The following MRPS28 variants were observed in gnomAD, a reference collection of about 807,000 sequenced individuals.
The protein encoded by MRPS28 is small ribosomal subunit protein bS1m.
Under a neutral mutation model 10.8 loss-of-function variants are expected in MRPS28, and 7 were observed. The ratio of observed to expected loss-of-function variants is 0.65; its 90% CI spans 0.37 to 1.22. MRPS28 has a LOEUF of 1.22. MRPS28 is among the 50% of genes most tolerant of loss of function. MRPS28 has a pLI of 0.02. For synonymous variants in MRPS28, 121 were observed against 93.3 expected, an observed-to-expected ratio of 1.30 and a Z score of -1.71; for missense variants, 265 against 232.9, an observed-to-expected ratio of 1.14 and a Z score of -0.90.
At position 80,030,070 on chromosome 8, in the gene MRPS28, G is replaced by A. The variant is rs1333525500; in HGVS notation, c.179C>T (p.Ser60Leu). 3 of 1,609,284 alleles carry A rather than the reference G, an allele frequency of 1.9e-6. No individual in the cohort carries two copies. Among genetic ancestry groups the A allele is most frequent in the South Asian group, 2.2e-5 (2 of 90,970 alleles). ...GGGCTCCACCTTCTGTAGAAGCTCC[G>A]AGTGCCGCTCCAACGCGCTCGCGAA... ...GGFASALERH[S>L]ELLQKVEPLQ... The change falls in exon 1 of 3, where the codon TCG becomes TTG. Residue 60 changes from serine (S) to leucine (L), a missense_variant. Coordinates refer to ENST00000276585, the MANE Select transcript of MRPS28 (RefSeq NM_014018.3).
At chr8:80,023,458 T>C (rs73691132) in intron 1 of MRPS28, among the ~76,000 whole-genome samples, 2,158 of 152,234 alleles carry the variant, frequency 0.014, 52 homozygotes, top group African/African-American at 0.049. Flanking sequence ...TCTGAAAGGA[T>C]TGAACATCTG....
At chr8:79,939,500 A>G (rs1806701477) in intron 2 of MRPS28, among the ~76,000 whole-genome samples, 1 of 152,182 alleles carries the variant, frequency 6.6e-6, no homozygotes, top group Non-Finnish European at 1.5e-5. Context: ...ATTAAGAAAA[A>G]TCTACTATTA....
At chr8:79,936,259 C>T (rs979917229) in intron 2 of MRPS28, among the ~76,000 whole-genome samples, 54 of 151,730 alleles carry the variant, frequency 3.6e-4, no homozygotes, top group Admixed American at 2.8e-3. Flanking sequence ...CCCAGGAGTT[C>T]GAGTTCATAC....
At chr8:80,027,998 C>T (rs1809533703) in intron 1 of MRPS28, among the ~76,000 whole-genome samples, 1 of 152,120 alleles carries the variant, frequency 6.6e-6, no homozygotes, top group Non-Finnish European at 1.5e-5. Flanking sequence ...CCTGGAAAAA[C>T]TGAACAGCCC....
intron 2 of MRPS28, among the ~76,000 whole-genome samples, chr8:79,983,161 C>A (rs559574700): frequency 6.6e-6 from 1 of 152,148 alleles, no homozygotes; most frequent in African/African-American, 2.4e-5. Context: ...CCCAGGCAAA[C>A]AGGGTCTGGA....
intron 2 of MRPS28, among the ~76,000 whole-genome samples, chr8:79,941,515 CAAAGT>C (rs1194914876): frequency 6.6e-5 from 10 of 152,236 alleles, no homozygotes; most frequent in South Asian, 2.1e-4. Context: ...CAGAACAAAA[CAAAGT>C]ATAGTATAAA....
At chr8:80,000,995 A>T (rs1387844337) in intron 2 of MRPS28, among the ~76,000 whole-genome samples, 2 of 152,276 alleles carry the variant, frequency 1.3e-5, no homozygotes, top group Admixed American at 6.5e-5. Context: ...TGAAAGAGAT[A>T]TGATTAACGG....
chr8:80,025,953 G>A (rs946436810), intron 1 of MRPS28, among the ~76,000 whole-genome samples: 1 of 152,006 alleles, frequency 6.6e-6, no homozygotes, highest in Non-Finnish European at 1.5e-5. Flanking sequence ...TTATACTTAC[G>A]TGTGTAATAT....
chr8:79,963,917 T>G (rs184790763), intron 2 of MRPS28, among the ~76,000 whole-genome samples: 7 of 152,202 alleles, frequency 4.6e-5, no homozygotes, highest in Admixed American at 1.3e-4. Flanking sequence ...CCTACCAAGC[T>G]TACAGGAGTG....
intron 2 of MRPS28, among the ~76,000 whole-genome samples, chr8:79,948,994 T>C (rs1016926544): frequency 1.2e-4 from 18 of 152,028 alleles, no homozygotes; most frequent in Non-Finnish European, 1.5e-5. Flanking sequence ...CAATAAAGAG[T>C]GGGAAATCGA....
intron 1 of MRPS28, among the ~76,000 whole-genome samples, chr8:80,014,477 C>T (rs944490625): frequency 7.2e-5 from 11 of 152,264 alleles, no homozygotes; most frequent in South Asian, 2.1e-4. Flanking sequence ...GATTCAAATA[C>T]GAGGGCTCCC....
At chr8:79,988,658 A>G (rs1276502004) in intron 2 of MRPS28, among the ~76,000 whole-genome samples, 2 of 152,178 alleles carry the variant, frequency 1.3e-5, no homozygotes, top group African/African-American at 2.4e-5. Context: ...TAGACACATA[A>G]AAGTATTCTT....
intron 2 of MRPS28, among the ~76,000 whole-genome samples, chr8:79,982,004 G>T (rs1029942864): frequency 6.8e-6 from 1 of 147,378 alleles, no homozygotes; most frequent in South Asian, 2.1e-4. Context: ...CCAGCACTTT[G>T]GGGGGGCCAA....
chr8:79,978,108 T>C (rs1360931186), intron 2 of MRPS28, among the ~76,000 whole-genome samples: 1 of 152,068 alleles, frequency 6.6e-6, no homozygotes, highest in East Asian at 1.9e-4. Flanking sequence ...ATAAGAACAG[T>C]CCATCTATTT....
intron 1 of MRPS28, among the ~76,000 whole-genome samples, chr8:80,018,564 A>C (rs1272491336): frequency 6.6e-6 from 1 of 152,200 alleles, no homozygotes; most frequent in Non-Finnish European, 1.5e-5. Context: ...ACCACTCTGA[A>C]AAACAGTTTG....
chr8:79,973,898 G>A (rs758967142), intron 2 of MRPS28, among the ~76,000 whole-genome samples: 7 of 151,336 alleles, frequency 4.6e-5, no homozygotes, highest in Non-Finnish European at 8.8e-5. Flanking sequence ...AGTAGGTCGT[G>A]CATAGAAATC....
At chr8:79,966,568 T>A (rs1255563800) in intron 2 of MRPS28, among the ~76,000 whole-genome samples, 1 of 152,046 alleles carries the variant, frequency 6.6e-6, no homozygotes, top group African/African-American at 2.4e-5. Context: ...AAAAGGTATT[T>A]CTATGTAACT....
intron 2 of MRPS28, among the ~76,000 whole-genome samples, chr8:79,951,502 G>T (rs1344691971): frequency 6.6e-6 from 1 of 152,160 alleles, no homozygotes; most frequent in Non-Finnish European, 1.5e-5. Flanking sequence ...GACAAAGGAA[G>T]ATTAACTTCC....
intron 2 of MRPS28, among the ~76,000 whole-genome samples, chr8:80,000,349 A>G (rs539443615): frequency 6.6e-6 from 1 of 152,314 alleles, no homozygotes; most frequent in Admixed American, 6.5e-5. Context: ...AGAAATTACT[A>G]CAGATAACTA....
Sources: gnomAD v4.1 joint callset for allele counts (sites outside exome capture counted in the v4.1 genomes callset) on GRCh38, gnomAD v4.1.1 for gene constraint, MANE v1.5 for transcripts, NCBI Gene and HGNC (gene_info 2026-07-23, HGNC 2026-07-21) for gene names.